Variants in GUCY1A2 observed in about 807,000 individuals in gnomAD.
The protein encoded by GUCY1A2 is guanylate cyclase soluble subunit alpha-2.
Under a neutral mutation model 63.5 loss-of-function variants are expected in GUCY1A2, and 27 were observed. The ratio of observed to expected loss-of-function variants is 0.43; its 90% CI spans 0.31 to 0.59. The LOEUF (loss-of-function observed/expected upper bound fraction) is 0.59. Ranked by LOEUF, GUCY1A2 falls within the 20% of genes least tolerant of loss-of-function variation. The pLI is 0.11. For synonymous variants in GUCY1A2, 364 were observed against 343.5 expected, an observed-to-expected ratio of 1.06 and a Z score of -0.66; for missense variants, 768 against 913.3, an observed-to-expected ratio of 0.84 and a Z score of 2.05.
intron 1 of GUCY1A2, among the ~76,000 whole-genome samples, chr11:107,011,203 G>A (rs1399890985): frequency 1.3e-5 from 2 of 152,132 alleles, no homozygotes; most frequent in Non-Finnish European, 2.9e-5. Flanking sequence ...CCCGGCCTAT[G>A]TGCCTACATG....
At position 107,018,023 on chromosome 11, in the gene GUCY1A2, GA is replaced by G; in HGVS notation, c.32del (p.Phe11SerfsTer87). 2 of 1,477,204 alleles carry G rather than the reference GA, an allele frequency of 1.4e-6. No homozygotes were observed. The highest frequency in any genetic ancestry group is 9.1e-7 in the Non-Finnish European group (1 of 1,103,454). 91.5% of individuals were successfully genotyped at this position (1,477,204 alleles called of 1,614,324 possible). A position where few individuals can be genotyped will look rare whatever the true frequency, so the allele number is the denominator to read the frequency against. On this transcript the variant is annotated frameshift_variant, in exon 1 of 8. Coordinates refer to ENST00000526355, the MANE Select transcript of GUCY1A2 (RefSeq NM_000855.3). LOFTEE classifies it high-confidence loss of function. ...CCAGGTAGTCGGAGCCCAGGGAGCTGAAGGACTCGGACGAAATCTTCCTTCG... is the reference window on the plus strand; with the variant it reads ...CCAGGTAGTCGGAGCCCAGGGAGCTGAGGACTCGGACGAAATCTTCCTTCG... MSRRKISSES[F>X]SSLGSDYLET...
At chr11:106,689,267 T>C (rs1862580355) in intron 7 of GUCY1A2, among the ~76,000 whole-genome samples, 1 of 152,182 alleles carries the variant, frequency 6.6e-6, no homozygotes, top group African/African-American at 2.4e-5. Flanking sequence ...GAACAGTCTA[T>C]ATTTAATTTT....
chr11:106,992,813 TAA>T (rs2120159280), intron 1 of GUCY1A2, among the ~76,000 whole-genome samples: 1 of 152,280 alleles, frequency 6.6e-6, no homozygotes, highest in East Asian at 1.9e-4. Context: ...AATTTTATTT[TAA>T]ATAATTCCAC....
At position 106,936,292 on chromosome 11, in the gene GUCY1A2, A is replaced by G. The variant is rs183069490; in HGVS notation, c.1206+3168T>C. 7.2e-4 allele frequency among the ~76,000 whole-genome samples: 109 copies of G among 152,332 alleles called. 1 individual carries two copies. The highest frequency in any genetic ancestry group is 1.8e-3 in the Admixed American group (27 of 15,276). On this transcript the variant is annotated intron_variant, in intron 4 of 7. Coordinates refer to ENST00000526355, the MANE Select transcript of GUCY1A2 (RefSeq NM_000855.3). Reference sequence around the variant, plus strand: ...CAATGTCTTGTAATTCAAAAGATCTATGCAATACATTTCCAAATTCTCAGA... The same window carrying G: ...CAATGTCTTGTAATTCAAAAGATCTGTGCAATACATTTCCAAATTCTCAGA...
intron 6 of GUCY1A2, among the ~76,000 whole-genome samples, chr11:106,723,518 G>A (rs1282572165): frequency 6.6e-6 from 1 of 152,150 alleles, no homozygotes; most frequent in Non-Finnish European, 1.5e-5. Context: ...GTACACAGCA[G>A]TGACTCAATA....
chr11:106,817,115 A>G (rs535867036), intron 4 of GUCY1A2, among the ~76,000 whole-genome samples: 1 of 152,106 alleles, frequency 6.6e-6, no homozygotes, highest in Non-Finnish European at 1.5e-5. Context: ...CCTAAAGATT[A>G]CATCAGCTAA....
At chr11:106,752,736 C>T (rs1051435747) in intron 6 of GUCY1A2, among the ~76,000 whole-genome samples, 5 of 152,180 alleles carry the variant, frequency 3.3e-5, no homozygotes, top group African/African-American at 1.2e-4. Flanking sequence ...ATATGTGCCA[C>T]ATTTTCTTTA....
Position 106,864,164 on chromosome 11 carries a change from T to A in GUCY1A2, c.1207-53686A>T, listed in dbSNP as rs183518547. Among the ~76,000 whole-genome samples the A allele has an allele frequency of 5.3e-3, 811 of 152,006 alleles. 11 individuals are homozygous for A. Among genetic ancestry groups the A allele is most frequent in the African/African-American group, 0.019 (769 of 41,484 alleles). On this transcript the variant is annotated intron_variant, in intron 4 of 7. Coordinates refer to ENST00000526355, the MANE Select transcript of GUCY1A2 (RefSeq NM_000855.3). ...AAACACCATGGCACGTGTATACCTA[T>A]GTAACAAACCTGCATATTGTGCATA...
intron 4 of GUCY1A2, among the ~76,000 whole-genome samples, chr11:106,839,134 T>A (rs1218913512): frequency 2.0e-5 from 3 of 152,030 alleles, no homozygotes; most frequent in Non-Finnish European, 2.9e-5. Context: ...CTTGAATCCA[T>A]CTTGAATTAA....
At chr11:107,001,928 A>T (rs1861616897) in intron 1 of GUCY1A2, among the ~76,000 whole-genome samples, 1 of 151,914 alleles carries the variant, frequency 6.6e-6, no homozygotes, top group Non-Finnish European at 1.5e-5. Context: ...CTGAGGCAGG[A>T]GAATCGCTTG....
chr11:106,705,408 G>A (rs2135346666), intron 7 of GUCY1A2, among the ~76,000 whole-genome samples: 1 of 152,252 alleles, frequency 6.6e-6, no homozygotes, highest in Admixed American at 6.5e-5. Context: ...AAAGAAAGAT[G>A]CTCCAACATG....
intron 5 of GUCY1A2, among the ~76,000 whole-genome samples, chr11:106,806,290 T>C (rs1858683755): frequency 6.6e-6 from 1 of 152,166 alleles, no homozygotes; most frequent in East Asian, 1.9e-4. Context: ...ATCTTTATTT[T>C]ATGGGGTATA....
At chr11:106,775,096 T>C (rs1864332014) in intron 6 of GUCY1A2, among the ~76,000 whole-genome samples, 1 of 152,184 alleles carries the variant, frequency 6.6e-6, no homozygotes, top group Admixed American at 6.5e-5. Flanking sequence ...TTTTCTTTTT[T>C]ATTACTCGTT....
At chr11:106,769,638 G>A (rs1020919241) in intron 6 of GUCY1A2, among the ~76,000 whole-genome samples, 1 of 151,966 alleles carries the variant, frequency 6.6e-6, no homozygotes, top group Non-Finnish European at 1.5e-5. Context: ...CTAGTCCTAA[G>A]TTTCACCAGT....
chr11:106,768,857 T>C (rs1465060994), intron 6 of GUCY1A2, among the ~76,000 whole-genome samples: 1 of 152,056 alleles, frequency 6.6e-6, no homozygotes, highest in Non-Finnish European at 1.5e-5. Context: ...CAAGAGAACA[T>C]AAACTGGAGC....
chr11:106,873,634 A>C (rs1399546940), intron 4 of GUCY1A2, among the ~76,000 whole-genome samples: 1 of 151,714 alleles, frequency 6.6e-6, no homozygotes, highest in African/African-American at 2.4e-5. Flanking sequence ...TTTTCTTGTA[A>C]ATTTGTTTAA....
rs1012902914 is a variant in GUCY1A2 at position 106,682,720 on chromosome 11, A to G, written c.*4829T>C. On this transcript the variant is annotated 3_prime_UTR_variant, in exon 8 of 8. Coordinates refer to ENST00000526355, the MANE Select transcript of GUCY1A2 (RefSeq NM_000855.3). ...AGATGCATACACACAAACTAAAAATATTAATCACTTTATAAAACTATTTTA... is the reference window on the plus strand; with the variant it reads ...AGATGCATACACACAAACTAAAAATGTTAATCACTTTATAAAACTATTTTA... 2 of 211,058 alleles carry G rather than the reference A, an allele frequency of 9.5e-6. No homozygotes were observed. Among genetic ancestry groups the G allele is most frequent in the Non-Finnish European group, 1.9e-5 (2 of 103,886 alleles). 13.1% of individuals were successfully genotyped at this position (211,058 alleles called of 1,614,324 possible).
intron 1 of GUCY1A2, among the ~76,000 whole-genome samples, chr11:106,993,974 A>G (rs979651080): frequency 6.6e-6 from 1 of 152,218 alleles, no homozygotes; most frequent in African/African-American, 2.4e-5. Flanking sequence ...GAAAAAATAA[A>G]AAGCTAGAGA....
In GUCY1A2 at chr11:107,017,831, C is replaced by A. The variant is rs775933477; in HGVS notation, c.225G>T (p.Gly75=). 1.7e-5 allele frequency: 22 copies of A among 1,297,526 alleles called. No homozygotes were observed. The highest frequency in any genetic ancestry group is 2.0e-5 in the Non-Finnish European group (21 of 1,024,954). The allele number at this position is 1,297,526 out of a possible 1,614,324, so 80.4% of individuals were successfully genotyped here. A position where few individuals can be genotyped will look rare whatever the true frequency, so the allele number is the denominator to read the frequency against. Residue 75 remains glycine, a synonymous_variant, in exon 1 of 8, where the codon GGG becomes GGT. Coordinates refer to ENST00000526355, the MANE Select transcript of GUCY1A2 (RefSeq NM_000855.3). ...ASAAAAAATA[G]ARRVQRRRRV... ...GCCTCCGGCGCTGCACCCTCCTGGC[C>A]CCGGCAGTGGCAGCGGCGGCGGCGG...
Sources: gnomAD v4.1 joint callset for allele counts (sites outside exome capture counted in the v4.1 genomes callset) on GRCh38, gnomAD v4.1.1 for gene constraint, MANE v1.5 for transcripts, NCBI Gene and HGNC (gene_info 2026-07-23, HGNC 2026-07-21) for gene names.